The following KATNAL1 variants were observed in gnomAD, a reference collection of about 807,000 sequenced individuals.
The protein encoded by KATNAL1 is katanin catalytic subunit A1 like 1.
KATNAL1 carries 32 observed loss-of-function variants against 55.2 expected under a neutral mutation model. The ratio of observed to expected loss-of-function variants is 0.58; its 90% CI spans 0.44 to 0.78. The LOEUF (loss-of-function observed/expected upper bound fraction) is 0.78. Among genes scored for constraint, KATNAL1 ranks in the 30% least tolerant of loss-of-function variants. The probability of loss-of-function intolerance (pLI) is 0.00; values close to 1 mark genes in which losing one functional copy is unlikely to be tolerated. For synonymous variants in KATNAL1, 193 were observed against 193.6 expected (o/e 1.00, Z 0.02); for missense variants, 466 against 600.9 (o/e 0.78, Z 2.35).
At position 30,208,426 on chromosome 13, in the gene KATNAL1, T is replaced by C. The variant is rs1433210247; in HGVS notation, c.*114A>G. 8.4e-6 allele frequency: 7 copies of C among 836,224 alleles called. No individual in the cohort carries two copies. In the South Asian group the frequency reaches 1.4e-4, roughly 17 times the overall value. The allele number at this position is 836,224 out of a possible 1,614,324, so 51.8% of individuals were successfully genotyped here. On this transcript the variant is annotated 3_prime_UTR_variant, in exon 11 of 11. Transcript: ENST00000380615. Reference sequence around the variant, plus strand: ...TTCGCAGTTTTAGATTTTTTTTTCCTTTAAGCGAAAACCACTCCACTGAAA... The same window carrying C: ...TTCGCAGTTTTAGATTTTTTTTTCCCTTAAGCGAAAACCACTCCACTGAAA...
At chr13:30,292,950 A>G (rs1250403527) in intron 1 of KATNAL1, among the ~76,000 whole-genome samples, 2 of 152,278 alleles carry the variant, frequency 1.3e-5, no homozygotes, top group South Asian at 2.1e-4. Context: ...AATTCGTTAT[A>G]TATCACTTGT....
intron 6 of KATNAL1, among the ~76,000 whole-genome samples, chr13:30,239,496 A>T (rs1360362836): frequency 3.3e-5 from 5 of 152,186 alleles, no homozygotes; most frequent in African/African-American, 1.2e-4. Context: ...ATAACCTTTT[A>T]AAAAAACGTA....
At chr13:30,233,705 A>T (rs1456491170) in intron 6 of KATNAL1, among the ~76,000 whole-genome samples, 1 of 152,238 alleles carries the variant, frequency 6.6e-6, no homozygotes, top group African/African-American at 2.4e-5. Flanking sequence ...AGTGCCCAAC[A>T]ATGGATGAAT....
chr13:30,253,419 TA>T (rs1303662401), intron 4 of KATNAL1, among the ~76,000 whole-genome samples: 1 of 152,128 alleles, frequency 6.6e-6, no homozygotes, highest in Non-Finnish European at 1.5e-5. Context: ...GATAACATTA[TA>T]AATGAAAGAC....
intron 1 of KATNAL1, among the ~76,000 whole-genome samples, chr13:30,297,399 G>C (rs1303371107): frequency 6.6e-6 from 1 of 152,174 alleles, no homozygotes; most frequent in East Asian, 1.9e-4. Context: ...AACAGATGCT[G>C]GCAAGGCTGC....
At chr13:30,223,376 A>T (rs1875104267) in intron 9 of KATNAL1, among the ~76,000 whole-genome samples, 1 of 138,832 alleles carries the variant, frequency 7.2e-6, no homozygotes, top group Admixed American at 8.2e-5. Flanking sequence ...TGGGAGGCAG[A>T]GCTTGCAGTG....
chr13:30,273,100 GCAT>G (rs1484212726), intron 3 of KATNAL1, among the ~76,000 whole-genome samples: 1 of 152,198 alleles, frequency 6.6e-6, no homozygotes. Flanking sequence ...TCTAGCCCAT[GCAT>G]CATCAACTTT....
intron 3 of KATNAL1, among the ~76,000 whole-genome samples, chr13:30,279,659 A>G (rs185651047): frequency 2.5e-4 from 38 of 152,284 alleles, no homozygotes; most frequent in Admixed American, 1.2e-3. Flanking sequence ...TCTACACTAA[A>G]ACTCTGGAAA....
chr13:30,290,521 A>G (rs1488614136), intron 1 of KATNAL1, among the ~76,000 whole-genome samples: 1 of 152,238 alleles, frequency 6.6e-6, no homozygotes, highest in East Asian at 1.9e-4. Context: ...TTGAATACAG[A>G]AGAGGTAGAA....
intron 9 of KATNAL1, among the ~76,000 whole-genome samples, chr13:30,226,751 T>C (rs17632920): frequency 0.1 from 15,182 of 152,270 alleles, 1,017 homozygotes; most frequent in African/African-American, 0.19. Context: ...CATTCATTCA[T>C]GGATATTTCA....
chr13:30,225,733 A>C (rs1566091478), intron 9 of KATNAL1, among the ~76,000 whole-genome samples: 1 of 152,018 alleles, frequency 6.6e-6, no homozygotes, highest in Non-Finnish European at 1.5e-5. Context: ...TTCCAAAAGA[A>C]AACAGGAGAA....
rs1882298702 is a variant in KATNAL1, at chr13:30,293,815, G to A, written c.-14-10024C>T. ...CAATTTGAAGATTCATGGCAACTGTGCATCCAGCAAGTCTACCGGTGCCAT... is the reference window on the plus strand; with the variant it reads ...CAATTTGAAGATTCATGGCAACTGTACATCCAGCAAGTCTACCGGTGCCAT... On this transcript the variant is annotated intron_variant, in intron 1 of 10. Coordinates refer to ENST00000380615, the MANE Select transcript of KATNAL1 (RefSeq NM_032116.5). Among the ~76,000 whole-genome samples, 6 of 152,276 alleles carry A rather than the reference G, an allele frequency of 3.9e-5. No homozygotes were observed. In the South Asian group the frequency reaches 1.2e-3, roughly 32 times the overall value.
At chr13:30,279,996 A>G in intron 3 of KATNAL1, 67 bp downstream of exon 3, 1 of 1,398,194 alleles carries the variant, frequency 7.2e-7, no homozygotes, top group Non-Finnish European at 9.7e-7. Flanking sequence ...TACTTTGTTC[A>G]AAACATGCTT....
In KATNAL1 at chr13:30,259,708, G is replaced by T. The variant is rs147537635; in HGVS notation, c.324-4093C>A. Among the ~76,000 whole-genome samples the T allele has an allele frequency of 1.7e-3, 259 of 152,322 alleles. No homozygotes were observed. The East Asian group carries it at 0.025, about 15-fold the overall frequency. ...ACCAGGAGATTATATCCCGCACCTG[G>T]CTCGGAGGGTCCTATGCCCACGGAG... On this transcript the variant is annotated intron_variant, in intron 3 of 10. Coordinates refer to ENST00000380615, the MANE Select transcript of KATNAL1 (RefSeq NM_032116.5).
At chr13:30,265,911 C>T (rs867387047) in intron 3 of KATNAL1, among the ~76,000 whole-genome samples, 11 of 139,106 alleles carry the variant, frequency 7.9e-5, no homozygotes, top group Non-Finnish European at 1.4e-4. Context: ...ACTTGAGAGG[C>T]GGGGGCAGGA....
chr13:30,240,916 G>C lies in KATNAL1; in HGVS notation c.620+43C>G, dbSNP rs746364224. 6 of 1,566,304 alleles carry C rather than the reference G, an allele frequency of 3.8e-6. No homozygotes were observed. The South Asian group carries it at 4.6e-5, about 12-fold the overall frequency. On this transcript the variant is annotated intron_variant, in intron 5 of 10. Transcript: ENST00000380615. ...CACACACCAAGACAACCTATAATTT[G>C]TGTTCTCCTCTACTTTAATTCAATA... is the stretch of plus-strand genomic sequence containing the variant.
At chr13:30,242,999 ATTAG>A (rs532932231) in intron 4 of KATNAL1, among the ~76,000 whole-genome samples, 79 of 152,354 alleles carry the variant, frequency 5.2e-4, no homozygotes, top group African/African-American at 1.7e-3. Flanking sequence ...AAAGGAAACT[ATTAG>A]TTAAAGGAAA....
chr13:30,250,075 T>C (rs1878159958), intron 4 of KATNAL1, among the ~76,000 whole-genome samples: 1 of 152,234 alleles, frequency 6.6e-6, no homozygotes, highest in Admixed American at 6.5e-5. Context: ...CACCATAGAA[T>C]GGTAGGCTGC....
chr13:30,291,782 TC>T (rs1372546018), intron 1 of KATNAL1, among the ~76,000 whole-genome samples: 2 of 152,126 alleles, frequency 1.3e-5, no homozygotes, highest in Non-Finnish European at 2.9e-5. Flanking sequence ...ATGCCTGTAA[TC>T]CCAGCACTTT....
Sources: gnomAD v4.1 joint callset for allele counts (sites outside exome capture counted in the v4.1 genomes callset) on GRCh38, gnomAD v4.1.1 for gene constraint, MANE v1.5 for transcripts, NCBI Gene and HGNC (gene_info 2026-07-23, HGNC 2026-07-21) for gene names.